Variants in CD2BP2 observed in about 807,000 individuals in gnomAD.
CD2BP2 encodes CD2 antigen cytoplasmic tail-binding protein 2.
CD2BP2 carries 27 observed loss-of-function variants against 35.9 expected under a neutral mutation model. The ratio of observed to expected loss-of-function variants is 0.75; its 90% CI spans 0.55 to 1.04. The LOEUF (loss-of-function observed/expected upper bound fraction) is 1.04, where lower values mean the gene tolerates loss of function less well. CD2BP2 is among the 50% of genes least tolerant of loss of function. CD2BP2 has a pLI of 0.00. For missense variants in CD2BP2, 497 were observed against 444.3 expected (o/e 1.12, Z -1.07); for synonymous variants, 213 against 173.5 (o/e 1.23, Z -1.79).
At position 30,354,265 on chromosome 16, in the gene CD2BP2, AGT is replaced by A; in HGVS notation, c.134_135del (p.His45LeufsTer4). On this transcript the variant is annotated frameshift_variant, in exon 3 of 7. Transcript: ENST00000305596. LOFTEE classifies it high-confidence loss of function. ...GGPGSRFKGKHSLDSDEEEDD... is the reference protein window; with the variant it reads ...GGPGSRFKGKXSLDSDEEEDD... The stretch of plus-strand genomic sequence containing the variant: ...TCCTCCTCCTCATCGCTATCCAAAG[AGT>A]GTTTGCCTTTAAAGCGGCTCCCAGG... The A allele has an allele frequency of 6.2e-7, 1 of 1,613,850 alleles. No homozygotes were observed.
chr16:30,354,234 T>A lies in CD2BP2; in HGVS notation c.167A>T (p.Asp56Val). 1.2e-6 allele frequency: 2 copies of A among 1,614,056 alleles called. No homozygotes were observed. The highest frequency in any genetic ancestry group is 8.5e-7 in the Non-Finnish European group (1 of 1,180,002). ...GTCATATTTGCTGGACCCCCCATCA[T>A]CATCATCCTCCTCCTCATCGCTATC... ...SLDSDEEEDD[D>V]DGGSSKYDIL... Residue 56 changes from aspartate (D) to valine (V), a missense_variant, in exon 3 of 7, where the codon GAT becomes GTT. Coordinates refer to ENST00000305596, the MANE Select transcript of CD2BP2 (RefSeq NM_006110.3).
In CD2BP2 at chr16:30,353,112, G is replaced by C. The variant is rs1381103383; in HGVS notation, c.916-17C>G. 6.2e-7 allele frequency: 1 copy of C among 1,610,842 alleles called. No homozygotes were observed. The highest frequency in any genetic ancestry group is 8.5e-7 in the Non-Finnish European group (1 of 1,177,064). On this transcript the variant is annotated splice_polypyrimidine_tract_variant and intron_variant, in intron 6 of 6. Transcript: ENST00000305596. ...CACCCAGGTCTGCAAGGAGAGGGCAGAGCTGGGGAACAACTGACAGGAGTG... is the reference window on the plus strand; with the variant it reads ...CACCCAGGTCTGCAAGGAGAGGGCACAGCTGGGGAACAACTGACAGGAGTG...
rs567657212 is a variant in CD2BP2 at position 30,352,729 on chromosome 16, T to C, written c.*256A>G. On this transcript the variant is annotated 3_prime_UTR_variant, in exon 7 of 7. Coordinates refer to ENST00000305596, the MANE Select transcript of CD2BP2 (RefSeq NM_006110.3). ...GAGTCCAGGCAGGGAGGCCACAGGATACCTGACAGGCACCTCCAAGAAGGA... is the reference window on the plus strand; with the variant it reads ...GAGTCCAGGCAGGGAGGCCACAGGACACCTGACAGGCACCTCCAAGAAGGA... The C allele has an allele frequency of 2.5e-5, 13 of 526,920 alleles. No individual in the cohort carries two copies. The African/African-American group carries it at 2.5e-4, about 10-fold the overall frequency. The allele number at this position is 526,920 out of a possible 1,614,324, so 32.6% of individuals were successfully genotyped here.
At position 30,350,821 on chromosome 16, in the gene CD2BP2, C is replaced by G. The variant is rs2049476086; in HGVS notation, c.*2164G>C. The G allele has an allele frequency of 6.6e-6, 1 of 152,280 alleles. No homozygotes were observed. 9.4% of individuals were successfully genotyped at this position (152,280 alleles called of 1,614,324 possible). ...TCTTACAGTTCTAGAGGTCAGGAGT[C>G]CAAAATGGTTTTCACCAGGCTGAAG... On this transcript the variant is annotated 3_prime_UTR_variant, in exon 7 of 7. Transcript: ENST00000305596.
chr16:30,354,874 G>A, intron 1 of CD2BP2, 167 bp from the exon 2 acceptor site: 2 of 612,358 alleles, frequency 3.3e-6, no homozygotes, highest in Non-Finnish European at 5.8e-6. Flanking sequence ...TCCAGGACTT[G>A]GGTCTAGCAT....
At position 30,353,274 on chromosome 16, in the gene CD2BP2, C is replaced by T. The variant is rs1196646695; in HGVS notation, c.822G>A (p.Arg274=). ...ACATCACATCCACCAGACCATCTCC[C>T]CGCGACTCTGCTTCTAAAATAACAG... ...TPTQRGEAES[R]GDGLVDVMWE... is the part of the protein sequence containing the mutation. The change falls in exon 6 of 7, where the codon CGG becomes CGA. Residue 274 remains arginine (R), a synonymous_variant. Coordinates refer to ENST00000305596, the MANE Select transcript of CD2BP2 (RefSeq NM_006110.3). The T allele has an allele frequency of 6.2e-7, 1 of 1,614,082 alleles. No homozygotes were observed. Among genetic ancestry groups the T allele is most frequent in the Non-Finnish European group, 8.5e-7 (1 of 1,180,020 alleles).
chr16:30,355,017 G>C, intron 1 of CD2BP2, 195 bp downstream of exon 1: 1 of 313,956 alleles, frequency 3.2e-6, no homozygotes, highest in Non-Finnish European at 6.1e-6. Context: ...CCGGCTCCAC[G>C]GGCTGACCCC....
At chr16:30,354,385 G>A (rs914806864) in intron 2 of CD2BP2, 63 bp from the exon 3 acceptor site, 4 of 1,554,786 alleles carry the variant, frequency 2.6e-6, no homozygotes, top group Non-Finnish European at 3.5e-6. Context: ...AAATACTTCC[G>A]GATCTGGACC....
At position 30,354,599 on chromosome 16, in the gene CD2BP2, C is replaced by A. The variant is rs199853540; in HGVS notation, c.78+5G>T. The A allele has an allele frequency of 2.8e-4, 448 of 1,613,678 alleles. 1 individual carries two copies. The African/African-American group carries it at 5.2e-3, about 19-fold the overall frequency. ...CCCCCACACAAAGCAGTCTGGCCCC[C>A]TCACCTTCTTCTTGGGGACAATGAT... is the stretch of plus-strand genomic sequence containing the variant. On this transcript the variant is annotated splice_donor_5th_base_variant and intron_variant, in intron 2 of 6. Transcript: ENST00000305596.
Position 30,353,791 on chromosome 16 carries a change from G to T in CD2BP2, c.385C>A (p.Arg129=), listed in dbSNP as rs145505967. ...TGGCGCTGGCCAGGTGGCCGCTCCCGGATCTTCACCTGTAATGGGAAGATG... is the reference window on the plus strand; with the variant it reads ...TGGCGCTGGCCAGGTGGCCGCTCCCTGATCTTCACCTGTAATGGGAAGATG... ...WLDNIDWVKI[R]ERPPGQRQAS... The change falls in exon 5 of 7, where the codon CGG becomes AGG. Residue 129 remains arginine, a synonymous_variant. Coordinates refer to ENST00000305596, the MANE Select transcript of CD2BP2 (RefSeq NM_006110.3). 2.5e-6 allele frequency: 4 copies of T among 1,602,202 alleles called. No homozygotes were observed. The African/African-American group carries it at 5.4e-5, about 21-fold the overall frequency.
chr16:30,354,224 C>T lies in CD2BP2; in HGVS notation c.177G>A (p.Gly59=), dbSNP rs769036766. The T allele has an allele frequency of 6.2e-7, 1 of 1,613,992 alleles. No individual in the cohort carries two copies. Among genetic ancestry groups the T allele is most frequent in the Non-Finnish European group, 8.5e-7 (1 of 1,179,930 alleles). Residue 59 remains glycine, a synonymous_variant, in exon 3 of 7, where the codon GGG becomes GGA. Coordinates refer to ENST00000305596, the MANE Select transcript of CD2BP2 (RefSeq NM_006110.3). ...SDEEEDDDDG[G]SSKYDILASE... ...AGGCCAAGATGTCATATTTGCTGGA[C>T]CCCCCATCATCATCATCCTCCTCCT...
At position 30,350,821 on chromosome 16, in the gene CD2BP2, C is replaced by T. The variant is rs2049476086; in HGVS notation, c.*2164G>A. On this transcript the variant is annotated 3_prime_UTR_variant, in exon 7 of 7. Transcript: ENST00000305596. ...TCTTACAGTTCTAGAGGTCAGGAGT[C>T]CAAAATGGTTTTCACCAGGCTGAAG... 6.6e-6 allele frequency: 1 copy of T among 152,280 alleles called. No homozygotes were observed. The highest frequency in any genetic ancestry group is 2.1e-4 in the South Asian group (1 of 4,824). 9.4% of individuals were successfully genotyped at this position (152,280 alleles called of 1,614,324 possible).
rs928253789 is a variant in CD2BP2, at chr16:30,353,408, C to T, written c.768G>A (p.Ala256=). 6.8e-6 allele frequency: 11 copies of T among 1,614,026 alleles called. No individual in the cohort carries two copies. Among genetic ancestry groups the T allele is most frequent in the Middle Eastern group, 1.6e-4 (1 of 6,084 alleles). ...PSLDMFAEEL[A]EEELETPTPT... is the part of the protein sequence containing the mutation. ...GGGTTGGGGTCTCCAGTTCCTCCTC[C>T]GCCAACTCCTCAGCGAACATGTCCA... The change falls in exon 5 of 7, where the codon GCG becomes GCA. Residue 256 remains alanine, a synonymous_variant. Coordinates refer to ENST00000305596, the MANE Select transcript of CD2BP2 (RefSeq NM_006110.3).
At chr16:30,354,108 G>A (rs762264833) in intron 3 of CD2BP2, 50 bp from the exon 4 acceptor site, 33 of 1,612,834 alleles carry the variant, frequency 2.0e-5, no homozygotes, top group Non-Finnish European at 2.6e-5. Context: ...AAAAGAGACC[G>A]GAGCCTCCCT....
chr16:30,354,095 G>A (rs2049511467), intron 3 of CD2BP2, 37 bp from the exon 4 acceptor site: 1 of 1,600,236 alleles, frequency 6.2e-7, no homozygotes, highest in South Asian at 1.1e-5. Flanking sequence ...TCCAGGCATG[G>A]AAAAAAGAGA....
chr16:30,354,902 C>T, intron 1 of CD2BP2, 195 bp from the exon 2 acceptor site: 1 of 565,154 alleles, frequency 1.8e-6, no homozygotes, highest in East Asian at 3.1e-5. Flanking sequence ...TTAAACGGGG[C>T]GGGGACGGAG....
chr16:30,354,908 C>G, intron 1 of CD2BP2: 1 of 551,002 alleles, frequency 1.8e-6, no homozygotes, highest in Non-Finnish European at 3.3e-6. Flanking sequence ...GGGGCGGGGA[C>G]GGAGGAGCGG....
Position 30,352,723 on chromosome 16 carries a change from A to G in CD2BP2, c.*262T>C. ...CAAGCAGAGTCCAGGCAGGGAGGCCACAGGATACCTGACAGGCACCTCCAA... is the reference window on the plus strand; with the variant it reads ...CAAGCAGAGTCCAGGCAGGGAGGCCGCAGGATACCTGACAGGCACCTCCAA... On this transcript the variant is annotated 3_prime_UTR_variant, in exon 7 of 7. Coordinates refer to ENST00000305596, the MANE Select transcript of CD2BP2 (RefSeq NM_006110.3). 3.9e-6 allele frequency: 2 copies of G among 515,598 alleles called. No homozygotes were observed. Among genetic ancestry groups the G allele is most frequent in the South Asian group, 4.5e-5 (2 of 44,554 alleles). The allele number at this position is 515,598 out of a possible 1,614,324, so 31.9% of individuals were successfully genotyped here. A position where few individuals can be genotyped will look rare whatever the true frequency, so the allele number is the denominator to read the frequency against.
In CD2BP2 at chr16:30,354,607, C is replaced by T. The variant is rs750343739; in HGVS notation, c.75G>A (p.Lys25=). The T allele has an allele frequency of 2.5e-6, 4 of 1,613,638 alleles. No homozygotes were observed. Among genetic ancestry groups the T allele is most frequent in the Non-Finnish European group, 3.4e-6 (4 of 1,179,764 alleles). The change falls in exon 2 of 7, where the codon AAG becomes AAA. Residue 25 remains lysine (K), a synonymous_variant. Transcript: ENST00000305596. The part of the protein sequence containing the change: ...EDEDEIIVPK[K]KLVDPVAGSG... ...CAAAGCAGTCTGGCCCCCTCACCTT[C>T]TTCTTGGGGACAATGATTTCATCCT...
Sources: gnomAD v4.1 joint callset for allele counts on GRCh38, gnomAD v4.1.1 for gene constraint, MANE v1.5 for transcripts, NCBI Gene and HGNC (gene_info 2026-07-23, HGNC 2026-07-21) for gene names.